KCNQ1: variants seen among roughly 807,000 people sequenced by gnomAD.
The protein encoded by KCNQ1 is potassium voltage-gated channel subfamily KQT member 1.
A neutral mutation model predicts 72.4 loss-of-function variants in KCNQ1; 49 were observed. The ratio of observed to expected loss-of-function variants is 0.68; its 90% confidence interval spans 0.54 to 0.86. The LOEUF (loss-of-function observed/expected upper bound fraction) is 0.86. KCNQ1 is among the 40% of genes least tolerant of loss of function. The probability of loss-of-function intolerance (pLI) is 0.00; values close to 1 mark genes in which losing one functional copy is unlikely to be tolerated. For missense variants in KCNQ1, 790 were observed against 945.1 expected, an observed-to-expected ratio of 0.84 and a Z score of 2.15; for synonymous variants, 450 against 412.6, an observed-to-expected ratio of 1.09 and a Z score of -1.10.
chr11:2,632,678 T>C, intron 10 of KCNQ1: 1 of 398,400 alleles, frequency 2.5e-6, no homozygotes, highest in East Asian at 3.6e-5. Flanking sequence ...GCAGTCAAAA[T>C]CCTCCATCTT....
rs1277135735 is a variant in KCNQ1 at position 2,651,071 on chromosome 11, C to T, written c.1394-10890C>T. On this transcript the variant is annotated intron_variant, in intron 10 of 15. Transcript: ENST00000155840. This position sits in a 1 kb window ranked among gnomAD's most constrained non-coding sequence, Gnocchi z 6.1. ...TCTCTGCCTACATTGTTGTCCATACCTCATTACTGGTCTCTTGATTTCCAC... is the reference window on the plus strand; with the variant it reads ...TCTCTGCCTACATTGTTGTCCATACTTCATTACTGGTCTCTTGATTTCCAC... 7.5e-6 allele frequency: 3 copies of T among 398,686 alleles called. No homozygotes were observed. The highest frequency in any genetic ancestry group is 7.1e-5 in the East Asian group (2 of 28,100). 24.7% of individuals were successfully genotyped at this position (398,686 alleles called of 1,614,324 possible). A position where few individuals can be genotyped will look rare whatever the true frequency, so the allele number is the denominator to read the frequency against.
intron 15 of KCNQ1, among the ~76,000 whole-genome samples, chr11:2,790,482 C>T (rs1409026496): frequency 1.3e-5 from 2 of 152,220 alleles, no homozygotes; most frequent in East Asian, 3.8e-4. Context: ...GTGGCCCATC[C>T]ACACCCAGCA....
chr11:2,749,360 A>G (rs1846187701), intron 11 of KCNQ1, among the ~76,000 whole-genome samples: 1 of 152,084 alleles, frequency 6.6e-6, no homozygotes, highest in African/African-American at 2.4e-5. Context: ...GAAGCAGCTC[A>G]GTGTCACTCA....
chr11:2,817,287 T>A lies in KCNQ1; in HGVS notation c.1795-30480T>A, dbSNP rs1367730545. Among the ~76,000 whole-genome samples, 1 of 152,204 alleles carries A rather than the reference T, an allele frequency of 6.6e-6. No individual in the cohort carries two copies. The highest frequency in any genetic ancestry group is 1.9e-4 in the East Asian group (1 of 5,188). ...GTGGTTGCAGTCAGATGTTTTTAAC[T>A]ACGTTGGACAGAACCCACGGCGGCC... is the stretch of plus-strand genomic sequence containing the variant. On this transcript the variant is annotated intron_variant, in intron 15 of 15. Transcript: ENST00000155840. The surrounding 1 kb of genome is among the most constrained non-coding windows in gnomAD (Gnocchi z 6.1).
rs1325685731 is a variant in KCNQ1, at chr11:2,827,623, A to T, written c.1795-20144A>T. Among the ~76,000 whole-genome samples, 1 of 107,868 alleles carries T rather than the reference A, an allele frequency of 9.3e-6. No individual in the cohort carries two copies. The highest frequency in any genetic ancestry group is 3.1e-5 in the African/African-American group (1 of 32,706). The allele number at this position is 107,868 out of a possible 152,430, so 70.8% of individuals were successfully genotyped here. ...AGCTTAATTCAGGGTTCTGTTGATTAAAAAAAAAAAGTGGGGTCGGGGGGG... is the reference window on the plus strand; with the variant it reads ...AGCTTAATTCAGGGTTCTGTTGATTTAAAAAAAAAAGTGGGGTCGGGGGGG... On this transcript the variant is annotated intron_variant, in intron 15 of 15. Coordinates refer to ENST00000155840, the MANE Select transcript of KCNQ1 (RefSeq NM_000218.3). The surrounding 1 kb of genome is among the most constrained non-coding windows in gnomAD (Gnocchi z 6.7).
At chr11:2,632,436 T>C (rs1017882459) in intron 10 of KCNQ1, 23 of 398,480 alleles carry the variant, frequency 5.8e-5, no homozygotes, top group Admixed American at 3.5e-4. Context: ...TCTTGCTTTA[T>C]TCCTGATCTT....
chr11:2,660,190 T>A (rs938884292), intron 10 of KCNQ1: 6 of 392,384 alleles, frequency 1.5e-5, no homozygotes, highest in Admixed American at 8.9e-5. Flanking sequence ...TATTTTAGAT[T>A]TTTTTTCAGT....
At chr11:2,453,847 G>A (rs1427839215) in intron 1 of KCNQ1, among the ~76,000 whole-genome samples, 2 of 152,350 alleles carry the variant, frequency 1.3e-5, no homozygotes, top group African/African-American at 4.8e-5. Context: ...CATTGTAGGA[G>A]ACTGGTTGAA....
intron 1 of KCNQ1, among the ~76,000 whole-genome samples, chr11:2,521,207 T>C (rs990577188): frequency 6.6e-6 from 1 of 152,108 alleles, no homozygotes; most frequent in African/African-American, 2.4e-5. Flanking sequence ...TCTGCACCCA[T>C]GAAATCCCAC....
intron 6 of KCNQ1, among the ~76,000 whole-genome samples, chr11:2,575,350 GC>G (rs557368224): frequency 6.0e-4 from 91 of 152,194 alleles, no homozygotes; most frequent in African/African-American, 1.9e-3. Context: ...CAGGCCCCGC[GC>G]CCCTGGTCGC....
At chr11:2,638,110 G>A (rs1213584306) in intron 10 of KCNQ1, 1 of 152,168 alleles carries the variant, frequency 6.6e-6, no homozygotes. Flanking sequence ...ACAGCACACT[G>A]ATGGGTCTTG....
intron 10 of KCNQ1, chr11:2,630,455 T>A (rs1362998226): frequency 2.5e-6 from 1 of 398,286 alleles, no homozygotes; most frequent in Non-Finnish European, 4.4e-6. Context: ...CCCTCTTTGT[T>A]TGGGGGGAAT....
In KCNQ1 at chr11:2,645,988, T is replaced by C. The variant is rs1262903820; in HGVS notation, c.1394-15973T>C. 8 of 398,640 alleles carry C rather than the reference T, an allele frequency of 2.0e-5. No individual in the cohort carries two copies. The highest frequency in any genetic ancestry group is 1.8e-4 in the East Asian group (5 of 28,074). 24.7% of individuals were successfully genotyped at this position (398,640 alleles called of 1,614,324 possible). ...TTCTCTGACTAGGATTTCAGGAGTC[T>C]GCTGTGGGAATGTGGACCACTAGGG... On this transcript the variant is annotated intron_variant, in intron 10 of 15. Coordinates refer to ENST00000155840, the MANE Select transcript of KCNQ1 (RefSeq NM_000218.3). The surrounding 1 kb of genome is among the most constrained non-coding windows in gnomAD (Gnocchi z 5.8).
chr11:2,517,786 G>A (rs78285902), intron 1 of KCNQ1, among the ~76,000 whole-genome samples: 2,696 of 152,304 alleles, frequency 0.018, 77 homozygotes, highest in African/African-American at 0.061. Context: ...CCATGCCTGC[G>A]CCCGCAGCTC....
At chr11:2,692,985 C>T (rs1850613176) in intron 11 of KCNQ1, 1 of 398,640 alleles carries the variant, frequency 2.5e-6, no homozygotes, top group Non-Finnish European at 4.4e-6. Context: ...CTCCTGGTTT[C>T]CAGAAGCCTC....
intron 7 of KCNQ1, 33 bp from the exon 8 acceptor site, chr11:2,585,179 G>A: frequency 6.3e-7 from 1 of 1,579,236 alleles, no homozygotes; most frequent in Non-Finnish European, 8.7e-7. Context: ...AGTGGCCTGT[G>A]TGGACGGGAG....
Position 2,587,697 on chromosome 11 carries a change from G to A in KCNQ1, c.1251+5G>A, listed in dbSNP as rs1564826087. 1 of 1,613,636 alleles carries A rather than the reference G, an allele frequency of 6.2e-7. No individual in the cohort carries two copies. Among genetic ancestry groups the A allele is most frequent in the Non-Finnish European group, 8.5e-7 (1 of 1,179,964 alleles). Reference sequence around the variant, plus strand: ...AAACCCAAGAAGTCTGTGGTGGTGAGTAGCCCACCTGCCACCAGGGCAGGG... The same window carrying A: ...AAACCCAAGAAGTCTGTGGTGGTGAATAGCCCACCTGCCACCAGGGCAGGG... On this transcript the variant is annotated splice_donor_5th_base_variant and intron_variant, in intron 9 of 15. Transcript: ENST00000155840.
At chr11:2,573,609 C>A (rs1408817865) in intron 6 of KCNQ1, among the ~76,000 whole-genome samples, 2 of 152,236 alleles carry the variant, frequency 1.3e-5, no homozygotes, top group South Asian at 4.1e-4. Flanking sequence ...AAGCAGGGAC[C>A]CGGCCTGTGG....
At position 2,608,582 on chromosome 11, in the gene KCNQ1, C is replaced by T. The variant is rs899706095; in HGVS notation, c.1393+19728C>T. The T allele has an allele frequency of 5.8e-5, 23 of 398,394 alleles. No individual in the cohort carries two copies. Among genetic ancestry groups the T allele is most frequent in the African/African-American group, 1.2e-4 (6 of 48,580 alleles). The allele number at this position is 398,394 out of a possible 1,614,324, so 24.7% of individuals were successfully genotyped here. A position where few individuals can be genotyped will look rare whatever the true frequency, so the allele number is the denominator to read the frequency against. ...CCTCGATCTCCTAGTCTCAAGTGAT[C>T]CTTGCCCCTTAGCCTATGACAGGTG... On this transcript the variant is annotated intron_variant, in intron 10 of 15. Transcript: ENST00000155840. The surrounding 1 kb of genome is among the most constrained non-coding windows in gnomAD (Gnocchi z 4.6).
Sources: allele counts gnomAD v4.1 joint callset (sites outside exome capture counted in the v4.1 genomes callset), GRCh38; gene constraint gnomAD v4.1.1; non-coding constraint Gnocchi (gnomAD v3.1); transcripts MANE v1.5; gene names NCBI Gene and HGNC (gene_info 2026-07-23, HGNC 2026-07-21).